MSRA: variants seen among roughly 807,000 people sequenced by gnomAD.
The protein encoded by MSRA is methionine sulfoxide reductase A.
A neutral mutation model predicts 31.3 loss-of-function variants in MSRA; 54 were observed. That is an observed-to-expected ratio of 1.73 (90% CI 1.39 to 2.17). The LOEUF is 2.17. Among genes scored for constraint, MSRA ranks in the 30% most tolerant of loss-of-function variants. The pLI, the probability that MSRA is intolerant of heterozygous loss-of-function variation, is 0.00. For missense variants in MSRA, 507 were observed against 300.9 expected (o/e 1.69, Z -5.07); for synonymous variants, 169 against 116.5 (o/e 1.45, Z -2.90).
At chr8:10,155,134 A>G (rs1356727832) in intron 1 of MSRA, among the ~76,000 whole-genome samples, 1 of 152,050 alleles carries the variant, frequency 6.6e-6, no homozygotes. Flanking sequence ...TACTCACACC[A>G]CATATAGTCT....
rs559471154 is a variant in MSRA, at chr8:10,415,569, T to C, written c.544-12579T>C. Among the ~76,000 whole-genome samples the C allele has an allele frequency of 4.6e-5, 7 of 152,178 alleles. No individual in the cohort carries two copies. In the East Asian group the frequency reaches 1.4e-3, roughly 30 times the overall value. On this transcript the variant is annotated intron_variant, in intron 5 of 5. Transcript: ENST00000317173. Reference sequence around the variant, plus strand: ...CAGAAATAGGCCACAGCTTGATGCCTCCAGCAGCCTCTCCATCCACCTCTG... The same window carrying C: ...CAGAAATAGGCCACAGCTTGATGCCCCCAGCAGCCTCTCCATCCACCTCTG...
In MSRA at chr8:10,358,344, A is replaced by G. The variant is rs118149587; in HGVS notation, c.543+38355A>G. ...TAAGAGCGCTATACCATCAGTGATGATTACTGAAAACAGTTAAACATTTTT... is the reference window on the plus strand; with the variant it reads ...TAAGAGCGCTATACCATCAGTGATGGTTACTGAAAACAGTTAAACATTTTT... On this transcript the variant is annotated intron_variant, in intron 5 of 5. Coordinates refer to ENST00000317173, the MANE Select transcript of MSRA (RefSeq NM_012331.5). Among the ~76,000 whole-genome samples, 107 of 152,314 alleles carry G rather than the reference A, an allele frequency of 7.0e-4. 2 individuals carry two copies. The East Asian group carries it at 0.017, about 24-fold the overall frequency.
intron 3 of MSRA, among the ~76,000 whole-genome samples, chr8:10,255,183 AAAC>A (rs1331876890): frequency 6.6e-6 from 1 of 152,228 alleles, no homozygotes; most frequent in Non-Finnish European, 1.5e-5. Context: ...CTTTGGGCTG[AAAC>A]ACGCAGTAAA....
intron 5 of MSRA, among the ~76,000 whole-genome samples, chr8:10,338,159 G>A (rs539399123): frequency 4.4e-4 from 67 of 152,344 alleles, no homozygotes; most frequent in African/African-American, 1.5e-3. Context: ...AGGAACCTAG[G>A]AAAGTGAGCC....
intron 5 of MSRA, among the ~76,000 whole-genome samples, chr8:10,334,959 C>T (rs62490334): frequency 0.091 from 13,905 of 152,270 alleles, 821 homozygotes; most frequent in Admixed American, 0.13. Context: ...GCCGGCGCGG[C>T]GAGCCCGCCC....
intron 3 of MSRA, among the ~76,000 whole-genome samples, chr8:10,296,945 C>G (rs1800577296): frequency 6.6e-6 from 1 of 152,200 alleles, no homozygotes; most frequent in African/African-American, 2.4e-5. Flanking sequence ...TGGGCCAGTT[C>G]CCTGCTCTCT....
At chr8:10,058,313 G>C (rs1802508650) in intron 1 of MSRA, among the ~76,000 whole-genome samples, 1 of 152,132 alleles carries the variant, frequency 6.6e-6, no homozygotes, top group African/African-American at 2.4e-5. Context: ...AGAAAAAGAT[G>C]AAAGTACAAA....
intron 1 of MSRA, among the ~76,000 whole-genome samples, chr8:10,117,893 C>T (rs1055597451): frequency 6.6e-6 from 1 of 152,192 alleles, no homozygotes; most frequent in South Asian, 2.1e-4. Flanking sequence ...TCCCAACTTC[C>T]TTGCCCAAAT....
At chr8:10,424,160 G>A (rs997556831) in intron 5 of MSRA, among the ~76,000 whole-genome samples, 8 of 152,236 alleles carry the variant, frequency 5.3e-5, no homozygotes, top group African/African-American at 1.9e-4. Flanking sequence ...AGATGGATAG[G>A]AGTTCCTGCG....
At chr8:10,247,268 G>A (rs1041661568) in intron 3 of MSRA, among the ~76,000 whole-genome samples, 1 of 152,134 alleles carries the variant, frequency 6.6e-6, no homozygotes, top group Non-Finnish European at 1.5e-5. Context: ...GGCTCAGAGA[G>A]GATAAATAAC....
chr8:10,339,362 G>C (rs184745018), intron 5 of MSRA, among the ~76,000 whole-genome samples: 2 of 152,220 alleles, frequency 1.3e-5, no homozygotes, highest in Admixed American at 1.3e-4. Context: ...TGTTTCATGA[G>C]TTTCCAAAAC....
intron 4 of MSRA, among the ~76,000 whole-genome samples, chr8:10,306,851 G>C (rs945288283): frequency 1.3e-5 from 2 of 152,140 alleles, no homozygotes; most frequent in Non-Finnish European, 2.9e-5. Flanking sequence ...TGATTTCTCA[G>C]TTGCAACCCA....
At chr8:10,298,795 C>G (rs886276651) in intron 3 of MSRA, among the ~76,000 whole-genome samples, 1 of 151,998 alleles carries the variant, frequency 6.6e-6, no homozygotes, top group African/African-American at 2.4e-5. Flanking sequence ...GTTTGTTTCC[C>G]TTTGTTTGGC....
chr8:10,141,611 A>G (rs1002297020), intron 1 of MSRA, among the ~76,000 whole-genome samples: 5 of 152,176 alleles, frequency 3.3e-5, no homozygotes, highest in Admixed American at 1.3e-4. Flanking sequence ...TGCTGTGCAC[A>G]TAATTTGTAT....
intron 1 of MSRA, among the ~76,000 whole-genome samples, chr8:10,139,633 C>T (rs1278979872): frequency 6.6e-6 from 1 of 152,214 alleles, no homozygotes; most frequent in Non-Finnish European, 1.5e-5. Context: ...GACTTTGTTT[C>T]TGAGTTATTT....
chr8:10,303,924 TG>T (rs1346853919), intron 4 of MSRA, among the ~76,000 whole-genome samples: 2 of 152,262 alleles, frequency 1.3e-5, no homozygotes, highest in African/African-American at 4.8e-5. Context: ...TTTTATTTTT[TG>T]TTTTTGTTTT....
At chr8:10,416,193 G>A (rs1808448625) in intron 5 of MSRA, among the ~76,000 whole-genome samples, 1 of 152,192 alleles carries the variant, frequency 6.6e-6, no homozygotes, top group Non-Finnish European at 1.5e-5. Flanking sequence ...GGCAGGGCTT[G>A]TGCTGTTCAT....
intron 5 of MSRA, among the ~76,000 whole-genome samples, chr8:10,345,260 C>T (rs901447584): frequency 3.3e-5 from 5 of 151,366 alleles, no homozygotes; most frequent in Middle Eastern, 3.5e-3. Context: ...TGTGATTTGT[C>T]GAGGCTGTTA....
At chr8:10,376,742 C>T (rs1263740306) in intron 5 of MSRA, among the ~76,000 whole-genome samples, 2 of 152,174 alleles carry the variant, frequency 1.3e-5, no homozygotes, top group East Asian at 3.8e-4. Context: ...TCGGTGACCA[C>T]ATGCAGTGAA....
Sources: allele counts gnomAD v4.1 joint callset (sites outside exome capture counted in the v4.1 genomes callset), GRCh38; gene constraint gnomAD v4.1.1; transcripts MANE v1.5; gene names NCBI Gene and HGNC (gene_info 2026-07-23, HGNC 2026-07-21).